Variants in C8orf34 observed in about 807,000 individuals in gnomAD.
C8orf34 encodes the protein uncharacterized protein C8orf34.
In C8orf34, 65 loss-of-function variants were observed where a neutral mutation model predicts 68.3. The observed-to-expected ratio is 0.95, with a 90% CI of 0.78 to 1.17. C8orf34 has a LOEUF of 1.17. C8orf34 is among the 50% of genes most tolerant of loss of function. The pLI is 0.00. For synonymous variants in C8orf34, 244 were observed against 241.2 expected, an observed-to-expected ratio of 1.01 and a Z score of -0.11; for missense variants, 664 against 655.4, an observed-to-expected ratio of 1.01 and a Z score of -0.14.
At chr8:68,647,479 G>C (rs1415256609) in intron 8 of C8orf34, among the ~76,000 whole-genome samples, 1 of 152,164 alleles carries the variant, frequency 6.6e-6, no homozygotes, top group East Asian at 1.9e-4. Context: ...TTATGCCAAA[G>C]AAATATCTGC....
chr8:68,800,699 A>T (rs1824305495), intron 12 of C8orf34, among the ~76,000 whole-genome samples: 1 of 152,194 alleles, frequency 6.6e-6, no homozygotes, highest in Admixed American at 6.5e-5. Context: ...AATTTTAAAG[A>T]TAGGAAATAT....
At position 68,496,964 on chromosome 8, in the gene C8orf34, A is replaced by G. The variant is rs775031040; in HGVS notation, c.765+8913A>G. Among the ~76,000 whole-genome samples the G allele has an allele frequency of 2.1e-3, 325 of 152,290 alleles. 3 individuals carry two copies. Among genetic ancestry groups the G allele is most frequent in the Non-Finnish European group, 1.6e-3 (110 of 68,020 alleles). ...GTTGGTCGTATGTTTGATGTTTATC[A>G]GGTAAAATTTCTAATACTAAGAAAG... On this transcript the variant is annotated intron_variant, in intron 5 of 13. Coordinates refer to ENST00000518698, the MANE Select transcript of C8orf34 (RefSeq NM_052958.4).
intron 10 of C8orf34, among the ~76,000 whole-genome samples, chr8:68,751,474 G>A (rs964039835): frequency 1.6e-4 from 25 of 152,114 alleles, no homozygotes; most frequent in African/African-American, 5.6e-4. Flanking sequence ...AGACTGCAAA[G>A]GCTAAAGGAC....
intron 10 of C8orf34, among the ~76,000 whole-genome samples, chr8:68,758,365 A>C (rs1192199545): frequency 6.6e-6 from 1 of 152,196 alleles, no homozygotes; most frequent in Non-Finnish European, 1.5e-5. Flanking sequence ...CCATAGTAGT[A>C]TAACAGCAAA....
chr8:68,656,039 G>A (rs1347004041), intron 8 of C8orf34, among the ~76,000 whole-genome samples: 1 of 152,172 alleles, frequency 6.6e-6, no homozygotes, highest in Non-Finnish European at 1.5e-5. Context: ...TTGAGAAATT[G>A]TATTCAGACA....
chr8:68,666,714 T>A (rs142912004), intron 8 of C8orf34, among the ~76,000 whole-genome samples: 1 of 152,178 alleles, frequency 6.6e-6, no homozygotes, highest in East Asian at 1.9e-4. Context: ...TGCGTGTATT[T>A]TTCTTGTGTA....
intron 1 of C8orf34, chr8:68,438,040 G>A (rs192865143): frequency 1.3e-5 from 2 of 152,196 alleles, no homozygotes; most frequent in African/African-American, 2.4e-5. Flanking sequence ...AGGTTTAATT[G>A]TTGTTTATTG....
At chr8:68,752,127 A>G (rs1009367042) in intron 10 of C8orf34, among the ~76,000 whole-genome samples, 20 of 152,208 alleles carry the variant, frequency 1.3e-4, no homozygotes, top group Non-Finnish European at 2.6e-4. Flanking sequence ...GTTAAAAGAA[A>G]CTAAGACTTC....
chr8:68,525,752 A>T lies in C8orf34; in HGVS notation c.938+3781A>T. ...AATCTTCCCAGCTCTGTGATCATCAATGATTTTAGATTCACCAGTGTAGCC... is the reference window on the plus strand; with the variant it reads ...AATCTTCCCAGCTCTGTGATCATCATTGATTTTAGATTCACCAGTGTAGCC... On this transcript the variant is annotated intron_variant, in intron 6 of 13. Coordinates refer to ENST00000518698, the MANE Select transcript of C8orf34 (RefSeq NM_052958.4). 3 of 628,166 alleles carry T rather than the reference A, an allele frequency of 4.8e-6. No individual in the cohort carries two copies. The Admixed American group carries it at 5.5e-5, about 12-fold the overall frequency. The allele number at this position is 628,166 out of a possible 1,614,324, so 38.9% of individuals were successfully genotyped here. A position where few individuals can be genotyped will look rare whatever the true frequency, so the allele number is the denominator to read the frequency against.
chr8:68,573,759 C>T (rs1816822890), intron 7 of C8orf34, among the ~76,000 whole-genome samples: 2 of 152,122 alleles, frequency 1.3e-5, no homozygotes, highest in African/African-American at 4.8e-5. Context: ...TTGTTCAATG[C>T]AGCAGGATTG....
intron 4 of C8orf34, among the ~76,000 whole-genome samples, chr8:68,478,374 T>A (rs1208894846): frequency 1.3e-5 from 2 of 152,180 alleles, no homozygotes; most frequent in South Asian, 2.1e-4. Flanking sequence ...TCCATATCAC[T>A]ATCATCATTT....
intron 10 of C8orf34, among the ~76,000 whole-genome samples, chr8:68,770,183 A>G (rs887130727): frequency 5.3e-5 from 8 of 152,190 alleles, no homozygotes; most frequent in Non-Finnish European, 1.0e-4. Context: ...ACTCTTTTTA[A>G]TTCATTATGT....
chr8:68,764,924 T>G (rs1823128142), intron 10 of C8orf34, among the ~76,000 whole-genome samples: 1 of 152,198 alleles, frequency 6.6e-6, no homozygotes, highest in African/African-American at 2.4e-5. Flanking sequence ...TCACTGAAAG[T>G]ACAAGATTCT....
chr8:68,496,045 A>G (rs1190833783), intron 5 of C8orf34, among the ~76,000 whole-genome samples: 1 of 152,170 alleles, frequency 6.6e-6, no homozygotes, highest in East Asian at 1.9e-4. Flanking sequence ...ATTCTATTAC[A>G]TTAAGAGCTC....
At chr8:68,331,543 T>G in intron 1 of C8orf34, 1 of 626,772 alleles carries the variant, frequency 1.6e-6, no homozygotes, top group Non-Finnish European at 2.9e-6. Flanking sequence ...CTTAGCCAGT[T>G]ACCTGAACGC....
chr8:68,663,947 C>A (rs1206472168), intron 8 of C8orf34, among the ~76,000 whole-genome samples: 1 of 152,076 alleles, frequency 6.6e-6, no homozygotes, highest in South Asian at 2.1e-4. Flanking sequence ...AGATGGTGGA[C>A]CAGTGTCCTA....
chr8:68,622,091 G>T (rs1378556763), intron 7 of C8orf34, among the ~76,000 whole-genome samples: 1 of 152,244 alleles, frequency 6.6e-6, no homozygotes, highest in Non-Finnish European at 1.5e-5. Flanking sequence ...ATTAAGTGTT[G>T]TTGAACTGTG....
intron 4 of C8orf34, among the ~76,000 whole-genome samples, chr8:68,484,626 A>T (rs1470636145): frequency 2.6e-5 from 4 of 152,228 alleles, no homozygotes; most frequent in African/African-American, 9.6e-5. Flanking sequence ...AATGCCTAAA[A>T]GTTGTTAATC....
chr8:68,504,787 C>T (rs1360005603), intron 5 of C8orf34, among the ~76,000 whole-genome samples: 4 of 151,616 alleles, frequency 2.6e-5, no homozygotes, highest in African/African-American at 9.7e-5. Context: ...TCAAGCGATT[C>T]TCGTGCCTCA....
Sources: gnomAD v4.1 joint callset for allele counts (sites outside exome capture counted in the v4.1 genomes callset) on GRCh38, gnomAD v4.1.1 for gene constraint, MANE v1.5 for transcripts, NCBI Gene and HGNC (gene_info 2026-07-23, HGNC 2026-07-21) for gene names.